Variants in FRAS1 observed in about 807,000 individuals in gnomAD.
FRAS1 encodes Fraser extracellular matrix complex subunit 1, also known as extracellular matrix organizing protein FRAS1.
FRAS1 carries 290 observed loss-of-function variants against 435.2 expected under a neutral mutation model. That is an observed-to-expected ratio of 0.67 (90% CI 0.61 to 0.73). FRAS1 has a LOEUF of 0.73. Ranked by LOEUF, FRAS1 falls within the 30% of genes least tolerant of loss-of-function variation. The pLI is 0.00. For synonymous variants in FRAS1, 1,800 were observed against 1,851.0 expected (o/e 0.97, Z 0.71); for missense variants, 4,860 against 5,001.5 (o/e 0.97, Z 0.85).
At chr4:78,235,240 G>A (rs1305589010) in intron 2 of FRAS1, among the ~76,000 whole-genome samples, 1 of 152,184 alleles carries the variant, frequency 6.6e-6, no homozygotes, top group African/African-American at 2.4e-5. Flanking sequence ...GCGACATTGA[G>A]ACTAGTGTTT....
intron 9 of FRAS1, among the ~76,000 whole-genome samples, chr4:78,267,797 G>T (rs1354851493): frequency 2.0e-5 from 3 of 152,240 alleles, no homozygotes; most frequent in African/African-American, 7.2e-5. Flanking sequence ...GGGTCCACAG[G>T]TGTGCTGGTG....
intron 2 of FRAS1, among the ~76,000 whole-genome samples, chr4:78,135,636 T>C (rs1719887713): frequency 6.6e-6 from 1 of 152,182 alleles, no homozygotes; most frequent in Admixed American, 6.5e-5. Context: ...TAGAAGAGTT[T>C]TTTATTTGGA....
chr4:78,358,272 C>T lies in FRAS1; in HGVS notation c.2423-5241C>T, dbSNP rs147065824. Among the ~76,000 whole-genome samples, 279 of 152,190 alleles carry T rather than the reference C, an allele frequency of 1.8e-3. 1 individual carries two copies. The Middle Eastern group carries it at 0.027, about 15-fold the overall frequency. Reference sequence around the variant, plus strand: ...ACACAAAGTAAAACAATGACAACTCCGATTTTCACCAACCAAATTAGCCAA... The same window carrying T: ...ACACAAAGTAAAACAATGACAACTCTGATTTTCACCAACCAAATTAGCCAA... On this transcript the variant is annotated intron_variant, in intron 20 of 73. Coordinates refer to ENST00000512123, the MANE Select transcript of FRAS1 (RefSeq NM_025074.7).
At chr4:78,312,391 C>A (rs1031614197) in intron 15 of FRAS1, among the ~76,000 whole-genome samples, 2 of 151,820 alleles carry the variant, frequency 1.3e-5, no homozygotes, top group Non-Finnish European at 1.5e-5. Flanking sequence ...TGTTCTTGTA[C>A]CACTATCAAA....
chr4:78,309,371 G>A (rs1325585233), intron 15 of FRAS1, among the ~76,000 whole-genome samples: 2 of 152,218 alleles, frequency 1.3e-5, no homozygotes, highest in Non-Finnish European at 2.9e-5. Flanking sequence ...AACTCAGAAG[G>A]CTGTTGAGAG....
chr4:78,223,599 T>C (rs966415975), intron 2 of FRAS1, among the ~76,000 whole-genome samples: 3 of 152,122 alleles, frequency 2.0e-5, no homozygotes, highest in African/African-American at 4.8e-5. Context: ...TGGGAACATA[T>C]GGTATAGGTA....
chr4:78,432,112 TC>T (rs1734240498), intron 37 of FRAS1, among the ~76,000 whole-genome samples: 1 of 152,202 alleles, frequency 6.6e-6, no homozygotes, highest in Non-Finnish European at 1.5e-5. Context: ...CCTAGAGCTA[TC>T]TTCAGTGGAA....
At chr4:78,298,532 T>C (rs760655763) in intron 14 of FRAS1, among the ~76,000 whole-genome samples, 2 of 152,088 alleles carry the variant, frequency 1.3e-5, no homozygotes, top group Non-Finnish European at 2.9e-5. Context: ...GTGTAATATA[T>C]AAAAAAACAG....
chr4:78,102,482 C>G (rs1158645638), intron 2 of FRAS1, among the ~76,000 whole-genome samples: 1 of 152,162 alleles, frequency 6.6e-6, no homozygotes, highest in African/African-American at 2.4e-5. Context: ...TGATCATTAT[C>G]ACACTGGGTA....
intron 4 of FRAS1, among the ~76,000 whole-genome samples, chr4:78,247,228 C>T (rs1003350800): frequency 7.9e-5 from 12 of 152,118 alleles, no homozygotes; most frequent in Non-Finnish European, 1.6e-4. Context: ...TGTGGTTCAT[C>T]CCTCTGCAAT....
At chr4:78,427,318 G>A (rs557793215) in intron 35 of FRAS1, among the ~76,000 whole-genome samples, 6 of 151,994 alleles carry the variant, frequency 3.9e-5, no homozygotes, top group African/African-American at 1.5e-4. Context: ...CTCACCAAAT[G>A]TACCCCCTCA....
Position 78,407,680 on chromosome 4 carries a change from G to C in FRAS1, c.4147G>C (p.Val1383Leu), listed in dbSNP as rs1733154114. 6.2e-7 allele frequency: 1 copy of C among 1,612,132 alleles called. No homozygotes were observed. The highest frequency in any genetic ancestry group is 1.3e-5 in the African/African-American group (1 of 74,982). ...CTTCCTAGGGGAGGTGGTCCTTCTA[G>C]TGAATATGCCTGCAGACAGCCCTGC... ...YPQFGEVVLL[V>L]NMPADSPADE... Residue 1383 changes from valine to leucine, a missense_variant, in exon 31 of 74, where the codon GTG (valine) becomes CTG (leucine). Physicochemically the swap from Val to Leu is conservative, Grantham distance 32. Coordinates refer to ENST00000512123, the MANE Select transcript of FRAS1 (RefSeq NM_025074.7).
rs11453256 is a variant in FRAS1, at chr4:78,284,229, A to ATTTTTT, written c.1256-158_1256-153dup. 8.1e-3 allele frequency among the ~76,000 whole-genome samples: 652 copies of ATTTTTT among 80,736 alleles called. 28 individuals are homozygous for ATTTTTT. The highest frequency in any genetic ancestry group is 0.025 in the East Asian group (65 of 2,640). The allele number at this position is 80,736 out of a possible 152,430, so 53.0% of individuals were successfully genotyped here. A position where few individuals can be genotyped will look rare whatever the true frequency, so the allele number is the denominator to read the frequency against. ...TCCTTGCAATCTTGCATTGGAATGT[A>ATTTTTT]TTTTTTTTTTTTTTTTTTTTTTTGC... On this transcript the variant is annotated intron_variant, in intron 12 of 73. Transcript: ENST00000512123.
intron 41 of FRAS1, among the ~76,000 whole-genome samples, chr4:78,443,281 C>T (rs1303568346): frequency 2.0e-5 from 3 of 152,084 alleles, no homozygotes; most frequent in Non-Finnish European, 2.9e-5. Context: ...TCAGTTGAGC[C>T]CAGGAATTTG....
rs1466644942 is a variant in FRAS1 at position 78,318,904 on chromosome 4, G to A, written c.2055G>A (p.Leu685=). The A allele has an allele frequency of 2.5e-6, 4 of 1,613,906 alleles. No individual in the cohort carries two copies. The highest frequency in any genetic ancestry group is 3.4e-6 in the Non-Finnish European group (4 of 1,179,888). ...AGGAAGGACTGCAAGTGGAGCAGCTGTCTGACGTGGGCATCCCCTCTGGCG... is the reference window on the plus strand; with the variant it reads ...AGGAAGGACTGCAAGTGGAGCAGCTATCTGACGTGGGCATCCCCTCTGGCG... ...KPEEGLQVEQ[L]SDVGIPSGEC... Residue 685 remains leucine (L), a synonymous_variant, in exon 18 of 74, where the codon CTG becomes CTA. Coordinates refer to ENST00000512123, the MANE Select transcript of FRAS1 (RefSeq NM_025074.7).
intron 56 of FRAS1, 84 bp downstream of exon 56, chr4:78,479,802 C>T (rs985396053): frequency 4.3e-5 from 47 of 1,085,778 alleles, no homozygotes; most frequent in African/African-American, 3.9e-4. Context: ...TCAGAATATC[C>T]GGGAGACATT....
At chr4:78,137,947 C>T (rs984167725) in intron 2 of FRAS1, among the ~76,000 whole-genome samples, 1 of 152,096 alleles carries the variant, frequency 6.6e-6, no homozygotes, top group Non-Finnish European at 1.5e-5. Context: ...TACAGAAGGC[C>T]GGATGAATGG....
At chr4:78,112,180 G>A (rs535128217) in intron 2 of FRAS1, among the ~76,000 whole-genome samples, 2 of 152,108 alleles carry the variant, frequency 1.3e-5, no homozygotes, top group South Asian at 2.1e-4. Flanking sequence ...AATTGCATGT[G>A]GTTAGCATAT....
chr4:78,280,580 C>CTTTTTTTTT (rs34405763), intron 10 of FRAS1, among the ~76,000 whole-genome samples: 3 of 141,884 alleles, frequency 2.1e-5, no homozygotes, highest in Non-Finnish European at 3.1e-5. Context: ...TTCCTCCATA[C>CTTTTTTTTT]TTTTTTTTTT....
Sources: gnomAD v4.1 joint callset for allele counts (sites outside exome capture counted in the v4.1 genomes callset) on GRCh38, gnomAD v4.1.1 for gene constraint, MANE v1.5 for transcripts, NCBI Gene and HGNC (gene_info 2026-07-23, HGNC 2026-07-21) for gene names.